EGLN1: variants seen among roughly 807,000 people sequenced by gnomAD.
EGLN1 encodes egl-9 family hypoxia inducible factor 1.
Under a neutral mutation model 38.3 loss-of-function variants are expected in EGLN1, and 17 were observed. That is an observed-to-expected ratio of 0.44 (90% confidence interval 0.30 to 0.67). The LOEUF (loss-of-function observed/expected upper bound fraction) is 0.67. Among genes scored for constraint, EGLN1 ranks in the 30% least tolerant of loss-of-function variants. The pLI is 0.08. For missense variants in EGLN1, 477 were observed against 603.3 expected (o/e 0.79, Z 2.19); for synonymous variants, 283 against 257.5 (o/e 1.10, Z -0.95).
At chr1:231,409,014 A>AT (rs1688861451) in intron 1 of EGLN1, among the ~76,000 whole-genome samples, 1 of 147,034 alleles carries the variant, frequency 6.8e-6, no homozygotes, top group Admixed American at 6.7e-5. Flanking sequence ...AGATACAAAA[A>AT]GAAAAAAAAC....
At chr1:231,408,857 C>T (rs961551845) in intron 1 of EGLN1, among the ~76,000 whole-genome samples, 2 of 151,944 alleles carry the variant, frequency 1.3e-5, no homozygotes, top group African/African-American at 2.4e-5. Context: ...CACCACTTTC[C>T]AAACGAAAGA....
Position 231,381,683 on chromosome 1 carries a change from TAA to T in EGLN1, c.892-7586_892-7585del, listed in dbSNP as rs202123152. Among the ~76,000 whole-genome samples, 66 of 152,306 alleles carry T rather than the reference TAA, an allele frequency of 4.3e-4. No individual in the cohort carries two copies. The East Asian group carries it at 0.012, about 29-fold the overall frequency. Reference sequence around the variant, plus strand: ...CATTTCCCTTTTAGTGAAGAATTGATAAAGTTATGCTTTACAAATAAGAAATT... The same window carrying T: ...CATTTCCCTTTTAGTGAAGAATTGATAGTTATGCTTTACAAATAAGAAATT... On this transcript the variant is annotated intron_variant, in intron 1 of 4. Coordinates refer to ENST00000366641, the MANE Select transcript of EGLN1 (RefSeq NM_022051.3).
chr1:231,412,801 C>T (rs1385392491), intron 1 of EGLN1, among the ~76,000 whole-genome samples: 1 of 152,144 alleles, frequency 6.6e-6, no homozygotes, highest in East Asian at 1.9e-4. Flanking sequence ...AATGGCAACA[C>T]TGAAAAAGTG....
chr1:231,405,995 A>C (rs1688781434), intron 1 of EGLN1, among the ~76,000 whole-genome samples: 3 of 27,720 alleles, frequency 1.1e-4, no homozygotes, highest in African/African-American at 1.5e-4. Context: ...CCCCCACCCA[A>C]TTCCCCAGCC....
intron 1 of EGLN1, among the ~76,000 whole-genome samples, chr1:231,380,652 T>C (rs1688061253): frequency 6.6e-6 from 1 of 152,192 alleles, no homozygotes; most frequent in African/African-American, 2.4e-5. Context: ...ATTGCTGAAA[T>C]GTTCTCCAGA....
intron 1 of EGLN1, among the ~76,000 whole-genome samples, chr1:231,396,357 G>A (rs970336504): frequency 3.3e-5 from 5 of 151,682 alleles, no homozygotes; most frequent in South Asian, 2.1e-4. Flanking sequence ...AGGTTCAAGC[G>A]ATTCTCCTGC....
At chr1:231,408,901 T>C (rs1688858898) in intron 1 of EGLN1, among the ~76,000 whole-genome samples, 1 of 151,892 alleles carries the variant, frequency 6.6e-6, no homozygotes, top group South Asian at 2.1e-4. Flanking sequence ...AAAATGAAGG[T>C]AGGTTCAGGG....
chr1:231,412,706 C>T (rs1013216248), intron 1 of EGLN1, among the ~76,000 whole-genome samples: 2 of 152,046 alleles, frequency 1.3e-5, no homozygotes, highest in African/African-American at 4.8e-5. Flanking sequence ...GCTAGCACAG[C>T]CAATTTGAAG....
intron 3 of EGLN1, among the ~76,000 whole-genome samples, chr1:231,370,133 C>T (rs1402391949): frequency 6.6e-6 from 1 of 152,168 alleles, no homozygotes; most frequent in Non-Finnish European, 1.5e-5. Flanking sequence ...TCTCTGGTTA[C>T]CTCTGATTTT....
intron 1 of EGLN1, among the ~76,000 whole-genome samples, chr1:231,388,687 C>CAGA (rs1688292989): frequency 6.6e-6 from 1 of 152,064 alleles, no homozygotes; most frequent in Non-Finnish European, 1.5e-5. Flanking sequence ...CGGCGTCTCT[C>CAGA]TCTGTCGCCC....
chr1:231,375,769 A>T (rs551861972), intron 1 of EGLN1, among the ~76,000 whole-genome samples: 1 of 152,336 alleles, frequency 6.6e-6, no homozygotes, highest in African/African-American at 2.4e-5. Flanking sequence ...GCTACCCAGG[A>T]AAGAAGTTTA....
chr1:231,421,776 C>G lies in EGLN1; in HGVS notation c.113G>C (p.Ser38Thr), dbSNP rs1426076673. The change falls in exon 1 of 5, where the codon AGC becomes ACC. Residue 38 changes from serine to threonine, a missense_variant. By Grantham distance (58) the Ser-to-Thr change is moderately conservative. Around this residue, in one of 4 missense-constraint regions of EGLN1, gnomAD observed 298 missense variants for 288.9 expected, o/e 1.03. Coordinates refer to ENST00000366641, the MANE Select transcript of EGLN1 (RefSeq NM_022051.3). The surrounding 1 kb of genome is among the most constrained non-coding windows in gnomAD (Gnocchi z 5.5). ...ENLLRCSRCR[S>T]SFYCCKEHQR... is the part of the protein sequence containing the mutation. Reference sequence around the variant, plus strand: ...GTGCTCCTTGCAGCAGTAGAAGGAGCTGCGGCAGCGGCTGCAGCGCAGCAG... The same window carrying G: ...GTGCTCCTTGCAGCAGTAGAAGGAGGTGCGGCAGCGGCTGCAGCGCAGCAG... The G allele has an allele frequency of 6.4e-7, 1 of 1,557,746 alleles. No homozygotes were observed. The highest frequency in any genetic ancestry group is 8.6e-7 in the Non-Finnish European group (1 of 1,161,632).
At chr1:231,385,955 T>C (rs1286818198) in intron 1 of EGLN1, among the ~76,000 whole-genome samples, 1 of 152,150 alleles carries the variant, frequency 6.6e-6, no homozygotes, top group Non-Finnish European at 1.5e-5. Context: ...GGCTCCTGCC[T>C]CAGCCTCCTG....
intron 1 of EGLN1, among the ~76,000 whole-genome samples, chr1:231,409,538 C>G (rs1305519111): frequency 6.6e-6 from 1 of 152,142 alleles, no homozygotes; most frequent in Non-Finnish European, 1.5e-5. Flanking sequence ...CTCCATCTCC[C>G]CCATCAGACA....
In EGLN1 at chr1:231,421,538, C is replaced by T. The variant is rs928280624; in HGVS notation, c.351G>A (p.Pro117=). The part of the protein sequence containing the change: ...AAKGKVKAKP[P]ADPAAAASPC... Reference sequence around the variant, plus strand: ...GCGACGCGGCCGCCGCTGGGTCGGCCGGGGGCTTGGCCTTTACTTTTCCCT... The same window carrying T: ...GCGACGCGGCCGCCGCTGGGTCGGCTGGGGGCTTGGCCTTTACTTTTCCCT... The change falls in exon 1 of 5, where the codon CCG becomes CCA. Residue 117 remains proline, a synonymous_variant. Transcript: ENST00000366641. The surrounding 1 kb of genome is among the most constrained non-coding windows in gnomAD (Gnocchi z 5.5). 3.1e-6 allele frequency: 4 copies of T among 1,297,614 alleles called. No homozygotes were observed. In the African/African-American group the frequency reaches 6.2e-5, roughly 20 times the overall value. The allele number at this position is 1,297,614 out of a possible 1,614,324, so 80.4% of individuals were successfully genotyped here.
intron 3 of EGLN1, 129 bp downstream of exon 3, chr1:231,370,433 T>C (rs1687791813): frequency 2.0e-6 from 2 of 978,068 alleles, no homozygotes; most frequent in African/African-American, 1.6e-5. Flanking sequence ...TATACAATTA[T>C]TCAAATTAAA....
chr1:231,365,065 G>C lies in EGLN1; in HGVS notation c.*1346C>G, dbSNP rs1396776816. The C allele has an allele frequency of 1.3e-5, 2 of 152,066 alleles. No homozygotes were observed. Among genetic ancestry groups the C allele is most frequent in the African/African-American group, 4.8e-5 (2 of 41,408 alleles). 9.4% of individuals were successfully genotyped at this position (152,066 alleles called of 1,614,324 possible). A position where few individuals can be genotyped will look rare whatever the true frequency, so the allele number is the denominator to read the frequency against. On this transcript the variant is annotated 3_prime_UTR_variant, in exon 5 of 5. Transcript: ENST00000366641. ...AGCATCTTTCAGTACAGGTAAGAAG[G>C]CTGGCATCACATCTGGGAAATGCCT...
At chr1:231,413,663 G>C (rs901357613) in intron 1 of EGLN1, among the ~76,000 whole-genome samples, 4 of 152,104 alleles carry the variant, frequency 2.6e-5, no homozygotes, top group Admixed American at 6.5e-5. Context: ...CATGAGAAGG[G>C]GGGCTTTTTG....
At chr1:231,391,133 T>TGTGTGTGTGTGTGA (rs1255328703) in intron 1 of EGLN1, among the ~76,000 whole-genome samples, 4 of 56,736 alleles carry the variant, frequency 7.1e-5, no homozygotes, top group Admixed American at 1.7e-4. Flanking sequence ...TGTGTGTGTG[T>TGTGTGTGTGTGTGA]GAGACAGGGA....
Sources: allele counts gnomAD v4.1 joint callset (sites outside exome capture counted in the v4.1 genomes callset), GRCh38; gene constraint gnomAD v4.1.1; regional missense constraint gnomAD v4.1.1; non-coding constraint Gnocchi (gnomAD v3.1); transcripts MANE v1.5; gene names NCBI Gene and HGNC (gene_info 2026-07-23, HGNC 2026-07-21).